ZPBP: variants seen among roughly 807,000 people sequenced by gnomAD.
The protein encoded by ZPBP is zona pellucida binding protein, also known as zona pellucida-binding protein 1.
ZPBP carries 26 observed loss-of-function variants against 44.8 expected under a neutral mutation model. That is an observed-to-expected ratio of 0.58 (90% CI 0.43 to 0.81). The LOEUF is 0.81. Among genes scored for constraint, ZPBP ranks in the 30% least tolerant of loss-of-function variants. The probability of loss-of-function intolerance (pLI) is 0.00; values close to 1 mark genes in which losing one functional copy is unlikely to be tolerated. For synonymous variants in ZPBP, 174 were observed against 153.2 expected, an observed-to-expected ratio of 1.14 and a Z score of -1.00; for missense variants, 409 against 434.0, an observed-to-expected ratio of 0.94 and a Z score of 0.51.
Position 50,031,078 on chromosome 7 carries a change from T to C in ZPBP, c.706+14A>G. 1 of 1,611,776 alleles carries C rather than the reference T, an allele frequency of 6.2e-7. No homozygotes were observed. The highest frequency in any genetic ancestry group is 8.5e-7 in the Non-Finnish European group (1 of 1,178,792). ...GTTCTCCATTTGCTTTTCTAACAAATTGTATAGACTTACCTGAAAATGCAA... is the reference window on the plus strand; with the variant it reads ...GTTCTCCATTTGCTTTTCTAACAAACTGTATAGACTTACCTGAAAATGCAA... On this transcript the variant is annotated intron_variant, in intron 5 of 7. Transcript: ENST00000046087.
intron 1 of ZPBP, among the ~76,000 whole-genome samples, chr7:49,903,280 C>CT (rs1315467643): frequency 1.1e-4 from 16 of 152,200 alleles, no homozygotes; most frequent in Middle Eastern, 3.4e-3. Flanking sequence ...AGGAGAAAGA[C>CT]TATGTTCACA....
rs540897500 is a variant in ZPBP, at chr7:49,957,832, A to G, written c.962-20210T>C. On this transcript the variant is annotated intron_variant, in intron 7 of 7. Coordinates refer to ENST00000046087, the MANE Select transcript of ZPBP (RefSeq NM_007009.3). ...CACGAGAGCAAGGCCATGGGAGATA[A>G]GCAATACCAGCCTGGGAGAGCAGCA... is the stretch of plus-strand genomic sequence containing the variant. Among the ~76,000 whole-genome samples the G allele has an allele frequency of 2.0e-5, 3 of 152,280 alleles. No homozygotes were observed. The East Asian group carries it at 5.8e-4, about 29-fold the overall frequency.
chr7:50,045,208 A>G (rs1800287333), intron 4 of ZPBP, among the ~76,000 whole-genome samples: 1 of 152,204 alleles, frequency 6.6e-6, no homozygotes, highest in African/African-American at 2.4e-5. Flanking sequence ...AAATGGGCAA[A>G]AGCTGGAAGC....
intron 1 of ZPBP, among the ~76,000 whole-genome samples, chr7:49,910,388 C>T (rs13236056): frequency 0.16 from 24,646 of 152,112 alleles, 2,314 homozygotes; most frequent in African/African-American, 0.25. Context: ...TAATTAAACA[C>T]ATTTTGGTTG....
intron 5 of ZPBP, among the ~76,000 whole-genome samples, chr7:50,020,798 C>A (rs554450887): frequency 1.3e-5 from 2 of 151,970 alleles, no homozygotes; most frequent in South Asian, 2.1e-4. Context: ...AGAAAATGAT[C>A]AAATGTTTAC....
chr7:50,028,896 T>C (rs1033431527), intron 5 of ZPBP, among the ~76,000 whole-genome samples: 10 of 152,170 alleles, frequency 6.6e-5, no homozygotes, highest in African/African-American at 2.4e-4. Flanking sequence ...GACTTAATAT[T>C]GTTAAGGTGG....
chr7:50,019,963 G>A (rs761189925), intron 5 of ZPBP, among the ~76,000 whole-genome samples: 23 of 151,310 alleles, frequency 1.5e-4, no homozygotes, highest in Non-Finnish European at 1.5e-4. Context: ...AAATTTTATC[G>A]CTTGAACCTG....
Position 50,082,287 on chromosome 7 carries a change from A to G in ZPBP, c.209-388T>C, listed in dbSNP as rs145448712. ...AGACACCAAACATGATTAGAGCTTA[A>G]AAATTGTTTAGATTAGCAGAATAAT... On this transcript the variant is annotated intron_variant, in intron 2 of 7. Transcript: ENST00000046087. 9.2e-5 allele frequency among the ~76,000 whole-genome samples: 14 copies of G among 152,016 alleles called. No individual in the cohort carries two copies. In the East Asian group the frequency reaches 2.7e-3, roughly 29 times the overall value.
In ZPBP at chr7:49,979,014, T is replaced by A. The variant is rs1796657125; in HGVS notation, c.961+4328A>T. 3.3e-5 allele frequency among the ~76,000 whole-genome samples: 5 copies of A among 152,092 alleles called. No homozygotes were observed. In the South Asian group the frequency reaches 1.0e-3, roughly 32 times the overall value. On this transcript the variant is annotated intron_variant, in intron 7 of 7. Transcript: ENST00000046087. ...AACCATAAGATGGCACAAAATGAAA[T>A]TTAGCAACTCACTAATTAATAAGTC...
chr7:49,901,139 C>A (rs1208024363), exon 2 of ZPBP: 2 of 151,876 alleles, frequency 1.3e-5, no homozygotes, highest in Admixed American at 6.6e-5. Context: ...TTGAAGCTTT[C>A]CCACCAGGAT....
intron 3 of ZPBP, among the ~76,000 whole-genome samples, chr7:50,081,436 G>A (rs1335121407): frequency 2.0e-5 from 3 of 151,672 alleles, no homozygotes; most frequent in African/African-American, 7.3e-5. Flanking sequence ...AGTAAAATCT[G>A]TATTTCAGGA....
chr7:50,035,577 CA>C (rs1799792317), intron 4 of ZPBP, among the ~76,000 whole-genome samples: 1 of 152,068 alleles, frequency 6.6e-6, no homozygotes, highest in Admixed American at 6.5e-5. Flanking sequence ...TAGAAATTGA[CA>C]AGTGCACAAA....
intron 6 of ZPBP, among the ~76,000 whole-genome samples, chr7:50,005,823 A>ATATGTGTGTG: frequency 6.9e-6 from 1 of 144,912 alleles, no homozygotes; most frequent in African/African-American, 2.6e-5. Flanking sequence ...ATAACTATAT[A>ATATGTGTGTG]TGTGTGTGTG....
intron 2 of ZPBP, among the ~76,000 whole-genome samples, chr7:49,880,647 A>G (rs922621636): frequency 1.3e-5 from 2 of 151,916 alleles, no homozygotes; most frequent in Non-Finnish European, 2.9e-5. Context: ...ACACTTGGAC[A>G]CAGGGTGGGG....
downstream of ZPBP, among the ~76,000 whole-genome samples, chr7:49,936,949 A>G (rs771640837): frequency 1.5e-4 from 23 of 152,164 alleles, no homozygotes; most frequent in Non-Finnish European, 3.1e-4. Flanking sequence ...AAATGCCAAA[A>G]AGGTAATTTA....
intron 5 of ZPBP, among the ~76,000 whole-genome samples, chr7:50,029,918 C>A (rs889628275): frequency 6.6e-6 from 1 of 152,158 alleles, no homozygotes; most frequent in Non-Finnish European, 1.5e-5. Flanking sequence ...TGCAGTGGCA[C>A]GATCTCGGCT....
chr7:49,856,044 GGCT>G (rs2128718357), intron 2 of ZPBP, among the ~76,000 whole-genome samples: 1 of 152,270 alleles, frequency 6.6e-6, no homozygotes, highest in Non-Finnish European at 1.5e-5. Context: ...AGGTATATAA[GGCT>G]GCCTTTCAGG....
intron 1 of ZPBP, among the ~76,000 whole-genome samples, chr7:49,907,569 A>T (rs1562767539): frequency 6.6e-6 from 1 of 152,194 alleles, no homozygotes; most frequent in Non-Finnish European, 1.5e-5. Flanking sequence ...AATATGAGTA[A>T]CCATGGTCCA....
chr7:49,941,272 G>A (rs2128753307), intron 7 of ZPBP, among the ~76,000 whole-genome samples: 1 of 152,266 alleles, frequency 6.6e-6, no homozygotes, highest in Admixed American at 6.5e-5. Context: ...CATGTGATCA[G>A]TTAATCCTGC....
Sources: gnomAD v4.1 joint callset for allele counts (sites outside exome capture counted in the v4.1 genomes callset) on GRCh38, gnomAD v4.1.1 for gene constraint, MANE v1.5 for transcripts, NCBI Gene and HGNC (gene_info 2026-07-23, HGNC 2026-07-21) for gene names.